The following RANGAP1 variants were observed in gnomAD, a reference collection of about 807,000 sequenced individuals.
The protein encoded by RANGAP1 is ran GTPase-activating protein 1.
In RANGAP1, 38 loss-of-function variants were observed where a neutral mutation model predicts 63.5. The observed-to-expected ratio is 0.60, with a 90% confidence interval of 0.46 to 0.78. The LOEUF (loss-of-function observed/expected upper bound fraction) is 0.78, where lower values mean the gene tolerates loss of function less well. Among genes scored for constraint, RANGAP1 ranks in the 30% least tolerant of loss-of-function variants. The pLI is 0.00. For synonymous variants in RANGAP1, 329 were observed against 310.5 expected (o/e 1.06, Z -0.63); for missense variants, 630 against 740.3 (o/e 0.85, Z 1.73).
chr22:41,251,089 C>CTCG lies in RANGAP1; in HGVS notation c.1398_1400dup (p.Pro466_Glu467insAsp). The CTCG allele has an allele frequency of 6.2e-7, 1 of 1,614,100 alleles. No homozygotes were observed. Among genetic ancestry groups the CTCG allele is most frequent in the Non-Finnish European group, 8.5e-7 (1 of 1,180,012 alleles). ...CCTTTAGGAAGGCAGAGACCACCTT[C>CTCG]TCGGGGTCAGACGTGTCAGTCTGAG... is the stretch of plus-strand genomic sequence containing the variant. On this transcript the variant is annotated inframe_insertion, in exon 13 of 16. Coordinates refer to ENST00000356244, the MANE Select transcript of RANGAP1 (RefSeq NM_002883.4).
intron 5 of RANGAP1, among the ~76,000 whole-genome samples, chr22:41,262,549 C>T (rs1466667544): frequency 6.6e-6 from 1 of 152,230 alleles, no homozygotes; most frequent in African/African-American, 2.4e-5. Flanking sequence ...CAAAGCCGCA[C>T]ATGGCGGGTG....
At chr22:41,300,094 G>C in the RANGAP1 span, among the ~76,000 whole-genome samples, 2 of 151,878 alleles carry the variant, frequency 1.3e-5, no homozygotes, top group African/African-American at 4.8e-5. Context: ...CTCTGGTTGG[G>C]GTCTTGTAAT....
At chr22:41,288,907 C>T (rs1404477984), upstream of RANGAP1, among the ~76,000 whole-genome samples, 1 of 147,372 alleles carries the variant, frequency 6.8e-6, no homozygotes, top group Admixed American at 7.2e-5. Flanking sequence ...GATTCTGTCA[C>T]TCCTATATCC....
Position 41,246,716 on chromosome 22 carries a change from C to T in RANGAP1, c.1695-44G>A, listed in dbSNP as rs1459745788. The T allele has an allele frequency of 3.4e-6, 5 of 1,485,970 alleles. No individual in the cohort carries two copies. The African/African-American group carries it at 5.6e-5, about 17-fold the overall frequency. The allele number at this position is 1,485,970 out of a possible 1,614,324, so 92.0% of individuals were successfully genotyped here. A position where few individuals can be genotyped will look rare whatever the true frequency, so the allele number is the denominator to read the frequency against. On this transcript the variant is annotated intron_variant, in intron 15 of 15. Coordinates refer to ENST00000356244, the MANE Select transcript of RANGAP1 (RefSeq NM_002883.4). ...CAGCAGGTCGGTGGATGCCTCTTGG[C>T]CTGTTTTCCAAGTGTGGGGGCCATT...
In RANGAP1 at chr22:41,246,177, C is replaced by A; in HGVS notation, c.*426G>T. ...GGCAGGAAACAACCCAATCACAACA[C>A]AGAGGGGAAGGACAGCACGCGGGCA... is the stretch of plus-strand genomic sequence containing the variant. On this transcript the variant is annotated 3_prime_UTR_variant, in exon 16 of 16. Coordinates refer to ENST00000356244, the MANE Select transcript of RANGAP1 (RefSeq NM_002883.4). 1 of 192,034 alleles carries A rather than the reference C, an allele frequency of 5.2e-6. No individual in the cohort carries two copies. The allele number at this position is 192,034 out of a possible 1,614,324, so 11.9% of individuals were successfully genotyped here.
At chr22:41,259,458 G>A (rs1238549715) in intron 6 of RANGAP1, among the ~76,000 whole-genome samples, 1 of 152,076 alleles carries the variant, frequency 6.6e-6, no homozygotes, top group South Asian at 2.1e-4. Flanking sequence ...AAATTACACA[G>A]AATTACAAAG....
intron 3 of RANGAP1, among the ~76,000 whole-genome samples, chr22:41,271,035 C>T (rs910419963): frequency 6.6e-6 from 1 of 152,148 alleles, no homozygotes; most frequent in South Asian, 2.1e-4. Context: ...CCTCTGGTAT[C>T]CTATCTCTGA....
intron 4 of RANGAP1, among the ~76,000 whole-genome samples, chr22:41,267,087 C>T (rs1601656509): frequency 6.6e-6 from 1 of 151,708 alleles, no homozygotes; most frequent in Non-Finnish European, 1.5e-5. Flanking sequence ...CCATGTTGGC[C>T]AGGCTGGACT....
chr22:41,297,969 T>C, the RANGAP1 span, among the ~76,000 whole-genome samples: 4 of 151,596 alleles, frequency 2.6e-5, no homozygotes, highest in Non-Finnish European at 4.4e-5. Flanking sequence ...AAGCGTTTCT[T>C]GTTACTCAGC....
At chr22:41,301,892 G>A in the RANGAP1 span, 1 of 151,704 alleles carries the variant, frequency 6.6e-6, no homozygotes, top group South Asian at 2.1e-4. Flanking sequence ...AAGAGGCGAA[G>A]AGAGCCCTTT....
At chr22:41,252,734 G>C (rs1404632234) in intron 12 of RANGAP1, 138 bp downstream of exon 12, 1 of 1,042,636 alleles carries the variant, frequency 9.6e-7, no homozygotes, top group Non-Finnish European at 1.3e-6. Context: ...TGCGCGTGTT[G>C]TAACAGTGGC....
At chr22:41,278,912 G>C (rs2035315875) in intron 2 of RANGAP1, among the ~76,000 whole-genome samples, 1 of 152,066 alleles carries the variant, frequency 6.6e-6, no homozygotes, top group Non-Finnish European at 1.5e-5. Context: ...GCCGAGGTGA[G>C]AGGATCATGA....
chr22:41,284,652 G>C (rs1277319422), intron 1 of RANGAP1, among the ~76,000 whole-genome samples: 3 of 152,064 alleles, frequency 2.0e-5, no homozygotes, highest in Non-Finnish European at 4.4e-5. Context: ...TGGGCGGATC[G>C]ATTGAGCACA....
the RANGAP1 span, among the ~76,000 whole-genome samples, chr22:41,291,922 A>G: frequency 6.6e-6 from 1 of 150,870 alleles, no homozygotes; most frequent in Non-Finnish European, 1.5e-5. Flanking sequence ...TAATAATAAT[A>G]ATTCCTTTTT....
At chr22:41,300,791 A>G in the RANGAP1 span, among the ~76,000 whole-genome samples, 1 of 151,384 alleles carries the variant, frequency 6.6e-6, no homozygotes, top group Admixed American at 6.6e-5. Flanking sequence ...ATATCTAATC[A>G]GGTTCCTCAT....
At chr22:41,249,514 C>T in intron 14 of RANGAP1, 63 bp from the exon 15 acceptor site, 7 of 1,605,778 alleles carry the variant, frequency 4.4e-6, no homozygotes, top group Non-Finnish European at 5.9e-6. Context: ...CCCCTGGACT[C>T]CACCATCCAG....
chr22:41,289,960 A>G (rs1320946517), upstream of RANGAP1, among the ~76,000 whole-genome samples: 2 of 152,096 alleles, frequency 1.3e-5, no homozygotes, highest in Non-Finnish European at 2.9e-5. Flanking sequence ...AGTCTGGGCA[A>G]TATAGTGAGA....
chr22:41,256,703 G>A lies in RANGAP1; in HGVS notation c.888+8C>T, dbSNP rs1441658990. On this transcript the variant is annotated splice_region_variant and intron_variant, in intron 8 of 15. Coordinates refer to ENST00000356244, the MANE Select transcript of RANGAP1 (RefSeq NM_002883.4). ...CAGAGGGAGGACGTCAGGCGTCCAGGCTGGCACCTTTAGCTTGGGCAGGCC... is the reference window on the plus strand; with the variant it reads ...CAGAGGGAGGACGTCAGGCGTCCAGACTGGCACCTTTAGCTTGGGCAGGCC... 5 of 1,612,316 alleles carry A rather than the reference G, an allele frequency of 3.1e-6. No homozygotes were observed. Among genetic ancestry groups the A allele is most frequent in the Non-Finnish European group, 4.2e-6 (5 of 1,179,050 alleles).
At chr22:41,272,553 G>A (rs1382032224) in intron 3 of RANGAP1, among the ~76,000 whole-genome samples, 3 of 151,536 alleles carry the variant, frequency 2.0e-5, no homozygotes, top group Admixed American at 1.3e-4. Flanking sequence ...ATGGAGTCTC[G>A]CTCTGTTGCT....
Sources: gnomAD v4.1 joint callset for allele counts (sites outside exome capture counted in the v4.1 genomes callset) on GRCh38, gnomAD v4.1.1 for gene constraint, MANE v1.5 for transcripts, NCBI Gene and HGNC (gene_info 2026-07-23, HGNC 2026-07-21) for gene names.